ROBO1: variants seen among roughly 807,000 people sequenced by gnomAD.
ROBO1 encodes the protein roundabout guidance receptor 1.
Under a neutral mutation model 195.9 loss-of-function variants are expected in ROBO1, and 149 were observed. That is an observed-to-expected ratio of 0.76 (90% confidence interval 0.67 to 0.87). The LOEUF is 0.87. Ranked by LOEUF, ROBO1 falls within the 40% of genes least tolerant of loss-of-function variation. The pLI, the probability that ROBO1 is intolerant of heterozygous loss-of-function variation, is 0.00. For missense variants in ROBO1, 1,933 were observed against 2,068.3 expected, an observed-to-expected ratio of 0.93 and a Z score of 1.27; for synonymous variants, 816 against 733.2, an observed-to-expected ratio of 1.11 and a Z score of -1.82.
rs1399725483 is a variant in ROBO1, at chr3:79,767,936, A to C, written c.-235T>G. 1.3e-5 allele frequency: 2 copies of C among 152,222 alleles called. No individual in the cohort carries two copies. The highest frequency in any genetic ancestry group is 2.9e-5 in the Non-Finnish European group (2 of 68,066). 9.4% of individuals were successfully genotyped at this position (152,222 alleles called of 1,614,324 possible). A position where few individuals can be genotyped will look rare whatever the true frequency, so the allele number is the denominator to read the frequency against. On this transcript the variant is annotated 5_prime_UTR_variant, in exon 1 of 31. Coordinates refer to ENST00000464233, the MANE Select transcript of ROBO1 (RefSeq NM_002941.4). Reference sequence around the variant, plus strand: ...TTCTTCTCTGTATCAGCACCCTGGAAAAATTCAATCCTTCTTCAGTAGAGA... The same window carrying C: ...TTCTTCTCTGTATCAGCACCCTGGACAAATTCAATCCTTCTTCAGTAGAGA...
intron 3 of ROBO1, among the ~76,000 whole-genome samples, chr3:79,092,256 C>A (rs571328641): frequency 2.4e-4 from 37 of 152,174 alleles, no homozygotes; most frequent in East Asian, 3.9e-4. Flanking sequence ...TCCCGAAGAT[C>A]GCAAAAGCTG....
intron 2 of ROBO1, chr3:79,512,878 T>C (rs1280069369): frequency 6.6e-6 from 1 of 152,158 alleles, no homozygotes; most frequent in Non-Finnish European, 1.5e-5. Context: ...AGAAAGCAGA[T>C]CTTCTGAGTT....
chr3:79,628,717 A>T (rs1396559459), intron 1 of ROBO1, among the ~76,000 whole-genome samples: 1 of 152,194 alleles, frequency 6.6e-6, no homozygotes, highest in African/African-American at 2.4e-5. Context: ...AATGGAATTA[A>T]AAAACAGGAT....
At chr3:79,391,389 A>G (rs1309528634) in intron 2 of ROBO1, among the ~76,000 whole-genome samples, 1 of 152,172 alleles carries the variant, frequency 6.6e-6, no homozygotes, top group Admixed American at 6.5e-5. Context: ...TTATTTTTAC[A>G]ATTTTTAAAA....
chr3:79,371,930 T>C (rs1289113383), intron 2 of ROBO1, among the ~76,000 whole-genome samples: 4 of 152,080 alleles, frequency 2.6e-5, no homozygotes, highest in Admixed American at 2.0e-4. Context: ...GGGGATGGTT[T>C]TGGGATGAAA....
chr3:79,170,372 T>C (rs974812397), intron 2 of ROBO1, among the ~76,000 whole-genome samples: 3 of 152,170 alleles, frequency 2.0e-5, no homozygotes, highest in Non-Finnish European at 2.9e-5. Context: ...TCCAGTTCAG[T>C]TAACAATCAA....
chr3:78,727,777 C>T (rs936141640), intron 5 of ROBO1, among the ~76,000 whole-genome samples: 3 of 151,946 alleles, frequency 2.0e-5, no homozygotes, highest in Non-Finnish European at 4.4e-5. Flanking sequence ...GTTCATAAAT[C>T]GATTCAAAAC....
intron 4 of ROBO1, among the ~76,000 whole-genome samples, chr3:78,929,763 C>G (rs751660478): frequency 3.9e-5 from 6 of 152,020 alleles, no homozygotes; most frequent in Non-Finnish European, 4.4e-5. Context: ...CCTCAGCCTC[C>G]CAAACTGCTG....
At chr3:79,561,031 C>T (rs1942900115) in intron 2 of ROBO1, among the ~76,000 whole-genome samples, 1 of 152,062 alleles carries the variant, frequency 6.6e-6, no homozygotes, top group African/African-American at 2.4e-5. Flanking sequence ...CAGAACGTCT[C>T]AACTAGTTTG....
chr3:79,123,286 T>G (rs1197319673), intron 3 of ROBO1, among the ~76,000 whole-genome samples: 3 of 151,964 alleles, frequency 2.0e-5, no homozygotes, highest in Non-Finnish European at 4.4e-5. Context: ...TCTACTCAAT[T>G]ATCTGTGACT....
intron 3 of ROBO1, among the ~76,000 whole-genome samples, chr3:79,008,130 C>A (rs1013815541): frequency 1.3e-5 from 2 of 152,136 alleles, no homozygotes; most frequent in Non-Finnish European, 2.9e-5. Context: ...TAAGTTAAAT[C>A]CCCTGACCCA....
At chr3:79,395,340 A>AAAAAAAAGAAAGAAAGAAAG (rs71631648) in intron 2 of ROBO1, among the ~76,000 whole-genome samples, 11 of 119,040 alleles carry the variant, frequency 9.2e-5, no homozygotes, top group African/African-American at 1.2e-4. Context: ...AAAAAAAAAA[A>AAAAAAAAGAAAGAAAGAAAG]AAAGAAAGAA....
chr3:79,685,588 AG>A (rs1438731239), intron 1 of ROBO1, among the ~76,000 whole-genome samples: 1 of 152,202 alleles, frequency 6.6e-6, no homozygotes, highest in Non-Finnish European at 1.5e-5. Context: ...ACTGCCAAAC[AG>A]GGCAGTTAAT....
chr3:79,400,924 C>G (rs2037346881), intron 2 of ROBO1, among the ~76,000 whole-genome samples: 1 of 151,628 alleles, frequency 6.6e-6, no homozygotes, highest in Non-Finnish European at 1.5e-5. Context: ...TTTAGAAATT[C>G]ATTTGATGTA....
At chr3:79,389,522 C>A (rs1207644784) in intron 2 of ROBO1, among the ~76,000 whole-genome samples, 1 of 151,966 alleles carries the variant, frequency 6.6e-6, no homozygotes, top group East Asian at 1.9e-4. Context: ...CAAGAAAACA[C>A]AAAATAACTA....
chr3:79,382,411 G>GTTAA, intron 2 of ROBO1, among the ~76,000 whole-genome samples: 1 of 151,612 alleles, frequency 6.6e-6, no homozygotes, highest in East Asian at 1.9e-4. Context: ...GGAAGCATTT[G>GTTAA]GAATATAAAT....
At chr3:79,739,134 G>C (rs1322605602) in intron 1 of ROBO1, among the ~76,000 whole-genome samples, 1 of 152,104 alleles carries the variant, frequency 6.6e-6, no homozygotes, top group East Asian at 1.9e-4. Flanking sequence ...TGGTTTATTG[G>C]ATTGAGGCAA....
intron 4 of ROBO1, among the ~76,000 whole-genome samples, chr3:78,776,638 A>C (rs1248076094): frequency 1.3e-5 from 2 of 152,224 alleles, no homozygotes; most frequent in African/African-American, 4.8e-5. Context: ...TTTCATTATT[A>C]TTGGCAAGAA....
intron 2 of ROBO1, among the ~76,000 whole-genome samples, chr3:79,589,180 A>AAT (rs1250949515): frequency 6.6e-6 from 1 of 151,650 alleles, no homozygotes. Context: ...TTAGTACATC[A>AAT]ATATATTTTT....
Sources: allele counts gnomAD v4.1 joint callset (sites outside exome capture counted in the v4.1 genomes callset), GRCh38; gene constraint gnomAD v4.1.1; transcripts MANE v1.5; gene names NCBI Gene and HGNC (gene_info 2026-07-23, HGNC 2026-07-21).